Variants in FH observed in about 807,000 individuals in gnomAD.
FH encodes fumarate hydratase, mitochondrial.
A neutral mutation model predicts 49.4 loss-of-function variants in FH; 22 were observed. That is an observed-to-expected ratio of 0.45 (90% CI 0.32 to 0.64). FH has a LOEUF of 0.64. Among genes scored for constraint, FH ranks in the 30% least tolerant of loss-of-function variants. The probability of loss-of-function intolerance (pLI) is 0.05; values close to 1 mark genes in which losing one functional copy is unlikely to be tolerated. For missense variants in FH, 526 were observed against 641.5 expected (o/e 0.82, Z 1.95); for synonymous variants, 208 against 223.0 (o/e 0.93, Z 0.60).
At chr1:241,518,183 C>A (rs1660269651) in intron 1 of FH, among the ~76,000 whole-genome samples, 1 of 152,120 alleles carries the variant, frequency 6.6e-6, no homozygotes, top group Non-Finnish European at 1.5e-5. Flanking sequence ...TTTAACAAAA[C>A]CAACAGAGAT....
intron 1 of FH, among the ~76,000 whole-genome samples, chr1:241,517,611 G>A (rs1260255467): frequency 1.3e-5 from 2 of 152,050 alleles, no homozygotes; most frequent in Non-Finnish European, 1.5e-5. Flanking sequence ...TCAAGAGTAT[G>A]CTTATTACTG....
intron 8 of FH, among the ~76,000 whole-genome samples, chr1:241,501,869 T>C (rs974290389): frequency 2.0e-5 from 3 of 152,186 alleles, no homozygotes; most frequent in Admixed American, 6.5e-5. Context: ...GTGGACACAA[T>C]GTTTTCAAGT....
chr1:241,512,280 G>A, intron 3 of FH, 137 bp from the exon 4 acceptor site: 3 of 695,726 alleles, frequency 4.3e-6, no homozygotes, highest in Non-Finnish European at 7.3e-6. Flanking sequence ...ACTTTAAAAA[G>A]TGAAATATTA....
At position 241,510,561 on chromosome 1, in the gene FH, TAG is replaced by T. The variant is rs748606553; in HGVS notation, c.555+1404_555+1405del. On this transcript the variant is annotated intron_variant, in intron 4 of 9. Transcript: ENST00000366560. ...TGCAGAAAAATTCAACTAACAAGTGTAGAATGAATAAAGAAAACTGAAAATCA... is the reference window on the plus strand; with the variant it reads ...TGCAGAAAAATTCAACTAACAAGTGTAATGAATAAAGAAAACTGAAAATCA... Among the ~76,000 whole-genome samples the T allele has an allele frequency of 2.6e-5, 4 of 152,160 alleles. No individual in the cohort carries two copies. In the East Asian group the frequency reaches 5.8e-4, roughly 22 times the overall value.
At position 241,497,879 on chromosome 1, in the gene FH, T is replaced by C. The variant is rs201559643; in HGVS notation, c.1482A>G (p.Ala494=). 30 of 1,613,218 alleles carry C rather than the reference T, an allele frequency of 1.9e-5. No individual in the cohort carries two copies. The East Asian group carries it at 6.5e-4, about 35-fold the overall frequency. The change falls in exon 10 of 10, where the codon GCA becomes GCG. Residue 494 remains alanine, a synonymous_variant. Transcript: ENST00000366560. ...GTTTTACCCATTCGTCAAACTGCTC[T>C]GCTGTGAGATAGCCAAGTTCGATAG... ...ETAIELGYLT[A]EQFDEWVKPK... is the part of the protein sequence containing the mutation.
intron 1 of FH, among the ~76,000 whole-genome samples, chr1:241,518,503 G>A (rs1660279803): frequency 6.6e-6 from 1 of 152,176 alleles, no homozygotes; most frequent in Non-Finnish European, 1.5e-5. Context: ...TAGGTATAGT[G>A]ACCCAATCAA....
At chr1:241,509,739 G>A (rs931481542) in intron 4 of FH, among the ~76,000 whole-genome samples, 3 of 150,266 alleles carry the variant, frequency 2.0e-5, no homozygotes, top group African/African-American at 4.9e-5. Context: ...TCACTCTACT[G>A]CACTCCAGCC....
intron 2 of FH, among the ~76,000 whole-genome samples, chr1:241,514,125 G>C (rs1184276568): frequency 6.6e-6 from 1 of 151,768 alleles, no homozygotes. Flanking sequence ...TCTCTTACTG[G>C]ATCCCACGTT....
Position 241,508,524 on chromosome 1 carries a change from G to T in FH, c.738+79C>A, listed in dbSNP as rs1159856983. 5 of 1,322,054 alleles carry T rather than the reference G, an allele frequency of 3.8e-6. No homozygotes were observed. The African/African-American group carries it at 5.8e-5, about 15-fold the overall frequency. 81.9% of individuals were successfully genotyped at this position (1,322,054 alleles called of 1,614,324 possible). A position where few individuals can be genotyped will look rare whatever the true frequency, so the allele number is the denominator to read the frequency against. ...TCCGGTTACAAATTTGGCCTTTTAAGCTAGTCAGATTTCAAGGATGACACA... is the reference window on the plus strand; with the variant it reads ...TCCGGTTACAAATTTGGCCTTTTAATCTAGTCAGATTTCAAGGATGACACA... On this transcript the variant is annotated intron_variant, in intron 5 of 9. Transcript: ENST00000366560.
intron 9 of FH, among the ~76,000 whole-genome samples, chr1:241,498,856 A>T (rs1659696343): frequency 6.6e-6 from 1 of 150,502 alleles, no homozygotes; most frequent in Non-Finnish European, 1.5e-5. Context: ...ATCATCAATA[A>T]GATGGCATGT....
intron 8 of FH, among the ~76,000 whole-genome samples, chr1:241,501,822 C>T (rs141979210): frequency 2.0e-5 from 3 of 152,252 alleles, no homozygotes; most frequent in Non-Finnish European, 2.9e-5. Flanking sequence ...ATGCATCTAT[C>T]GATCTTCGTA....
At chr1:241,507,146 A>G (rs951252626) in intron 5 of FH, among the ~76,000 whole-genome samples, 4 of 152,214 alleles carry the variant, frequency 2.6e-5, no homozygotes, top group African/African-American at 9.6e-5. Context: ...TAAGATTATA[A>G]AACCGTATTT....
At chr1:241,503,051 C>A (rs913379300) in intron 7 of FH, among the ~76,000 whole-genome samples, 1 of 152,170 alleles carries the variant, frequency 6.6e-6, no homozygotes, top group African/African-American at 2.4e-5. Flanking sequence ...CTATTTATCA[C>A]GAGTCTCTGG....
intron 2 of FH, 98 bp from the exon 3 acceptor site, chr1:241,513,811 C>A: frequency 1.1e-6 from 1 of 894,158 alleles, no homozygotes; most frequent in Non-Finnish European, 1.8e-6. Context: ...AAAACAATAA[C>A]AATAAAACAG....
At position 241,519,691 on chromosome 1, in the gene FH, G is replaced by A. The variant is rs1226883651; in HGVS notation, c.32C>T (p.Ser11Leu). The stretch of plus-strand genomic sequence containing the variant: ...GGCTGGAGCCCGCACGAGGGGACGC[G>A]AGCGCGCGAGGAGCCGAAGTGCTCG... MYRALRLLAR[S>L]RPLVRAPAAA... The change falls in exon 1 of 10, where the codon TCG becomes TTG. Residue 11 changes from serine (S) to leucine (L), a missense_variant. By Grantham distance (145) the Ser-to-Leu change is moderately radical. Around this residue, in one of 2 missense-constraint regions of FH, gnomAD observed 143 missense variants for 127.5 expected, o/e 1.12. Transcript: ENST00000366560. The A allele has an allele frequency of 6.5e-7, 1 of 1,546,980 alleles. No homozygotes were observed.
intron 6 of FH, among the ~76,000 whole-genome samples, chr1:241,504,484 G>A (rs550019175): frequency 6.6e-6 from 1 of 152,170 alleles, no homozygotes; most frequent in Non-Finnish European, 1.5e-5. Flanking sequence ...CTGCTGCCCA[G>A]GCTGGAGTGC....
intron 4 of FH, chr1:241,511,758 A>T (rs1660089445): frequency 1.8e-6 from 1 of 550,708 alleles, no homozygotes; most frequent in Non-Finnish European, 3.2e-6. Flanking sequence ...ATAAAAAAAT[A>T]CATACACTAA....
intron 5 of FH, among the ~76,000 whole-genome samples, chr1:241,507,122 A>C (rs960348465): frequency 6.6e-6 from 1 of 152,198 alleles, no homozygotes; most frequent in Non-Finnish European, 1.5e-5. Flanking sequence ...AAGATCACAT[A>C]AACAGTGGGA....
At chr1:241,517,110 A>C in intron 2 of FH, 72 bp downstream of exon 2, 1 of 1,576,102 alleles carries the variant, frequency 6.3e-7, no homozygotes, top group South Asian at 1.1e-5. Context: ...AAAAATATTT[A>C]TAAAGTAAAG....
Sources: gnomAD v4.1 joint callset for allele counts (sites outside exome capture counted in the v4.1 genomes callset) on GRCh38, gnomAD v4.1.1 for gene constraint, gnomAD v4.1.1 regional missense constraint, MANE v1.5 for transcripts, NCBI Gene and HGNC (gene_info 2026-07-23, HGNC 2026-07-21) for gene names.